The following FGFR2 variants were observed in gnomAD, a reference collection of about 807,000 sequenced individuals.
The protein encoded by FGFR2 is BEK fibroblast growth factor receptor.
Under a neutral mutation model 95.9 loss-of-function variants are expected in FGFR2, and 19 were observed. The ratio of observed to expected loss-of-function variants is 0.20; its 90% CI spans 0.14 to 0.29. The LOEUF (loss-of-function observed/expected upper bound fraction) is 0.29. Ranked by LOEUF, FGFR2 falls within the 10% of genes least tolerant of loss-of-function variation. The probability of loss-of-function intolerance (pLI) is 1.00; values close to 1 mark genes in which losing one functional copy is unlikely to be tolerated. For synonymous variants in FGFR2, 392 were observed against 393.3 expected (o/e 1.00, Z 0.04); for missense variants, 707 against 1,056.9 (o/e 0.67, Z 4.59).
chr10:121,490,145 C>G (rs1288154320), intron 13 of FGFR2, among the ~76,000 whole-genome samples: 1 of 142,500 alleles, frequency 7.0e-6, no homozygotes, highest in African/African-American at 2.6e-5. Context: ...GCTATTACGA[C>G]TTTTCCTTCT....
At position 121,497,942 on chromosome 10, in the gene FGFR2, T is replaced by C. The variant is rs369229513; in HGVS notation, c.1672+553A>G. On this transcript the variant is annotated intron_variant, in intron 12 of 17. Coordinates refer to ENST00000358487, the MANE Select transcript of FGFR2 (RefSeq NM_000141.5). ...AGTCAAAGATAGGCGTTTTCAAGTT[T>C]ACTAATTACTTAGCAAATTGATTTC... Among the ~76,000 whole-genome samples, 247 of 152,350 alleles carry C rather than the reference T, an allele frequency of 1.6e-3. 1 individual carries two copies. The highest frequency in any genetic ancestry group is 5.2e-3 in the African/African-American group (217 of 41,586).
At chr10:121,509,188 CTT>C (rs745802674) in intron 9 of FGFR2, among the ~76,000 whole-genome samples, 5 of 152,188 alleles carry the variant, frequency 3.3e-5, no homozygotes, top group South Asian at 2.1e-4. Flanking sequence ...AACATATTCT[CTT>C]GTTAGTGATA....
chr10:121,504,196 A>C (rs1847971717), intron 9 of FGFR2, among the ~76,000 whole-genome samples: 1 of 152,144 alleles, frequency 6.6e-6, no homozygotes, highest in African/African-American at 2.4e-5. Flanking sequence ...ATCTGATCAC[A>C]ATGTAAATTT....
At chr10:121,480,397 CGCT>C in intron 17 of FGFR2, 1 of 354,356 alleles carries the variant, frequency 2.8e-6, no homozygotes, top group South Asian at 3.5e-5. Context: ...CTAAATAACC[CGCT>C]GAGTCTACAC....
At chr10:121,512,366 T>C (rs73370002) in intron 9 of FGFR2, among the ~76,000 whole-genome samples, 2,530 of 152,302 alleles carry the variant, frequency 0.017, 78 homozygotes, top group African/African-American at 0.058. Context: ...TCCAATAATG[T>C]ACCCCACTTG....
chr10:121,516,150 T>C (rs538786064), intron 8 of FGFR2, among the ~76,000 whole-genome samples: 2 of 152,302 alleles, frequency 1.3e-5, no homozygotes, highest in East Asian at 3.9e-4. Flanking sequence ...ATGATCCATC[T>C]ACAAGCAGTG....
Position 121,517,325 on chromosome 10 carries a change from G to C in FGFR2, c.1078C>G (p.Leu360Val), listed in dbSNP as rs1437948804. The change falls in exon 8 of 18, where the codon CTG becomes GTG. Residue 360 changes from leucine (L) to valine (V), a missense_variant. Leu to Val is a conservative substitution (Grantham distance 32). Transcript: ENST00000358487. The surrounding 1 kb of genome is among the most constrained non-coding windows in gnomAD (Gnocchi z 4.7). ...GAGAAAGAACAGTATATACCTGGCA[G>C]AACTGTCAACCATGCAGAGTGAAAG... ...ISFHSAWLTV[L>V]PAPGREKEIT... is the part of the protein sequence containing the mutation. The C allele has an allele frequency of 8.1e-6, 13 of 1,614,168 alleles. No individual in the cohort carries two copies. Among genetic ancestry groups the C allele is most frequent in the African/African-American group, 1.3e-5 (1 of 75,040 alleles).
intron 2 of FGFR2, among the ~76,000 whole-genome samples, chr10:121,590,478 C>T (rs1862471701): frequency 6.6e-6 from 1 of 152,056 alleles, no homozygotes; most frequent in Non-Finnish European, 1.5e-5. Flanking sequence ...CTGCTGGTGC[C>T]CTATAACAAT....
At chr10:121,513,753 C>T (rs1322858034) in intron 9 of FGFR2, among the ~76,000 whole-genome samples, 2 of 152,126 alleles carry the variant, frequency 1.3e-5, no homozygotes, top group Non-Finnish European at 2.9e-5. Context: ...ATGCTGTTAA[C>T]ACAATTTGGT....
intron 3 of FGFR2, among the ~76,000 whole-genome samples, chr10:121,565,176 CAAAAA>C (rs71865754): frequency 3.1e-5 from 3 of 98,024 alleles, no homozygotes; most frequent in South Asian, 6.9e-4. Context: ...GTCAGTGGTA[CAAAAA>C]AAAAAAAAAA....
At chr10:121,578,878 C>T (rs940805557) in intron 2 of FGFR2, among the ~76,000 whole-genome samples, 1 of 152,150 alleles carries the variant, frequency 6.6e-6, no homozygotes, top group Admixed American at 6.5e-5. Context: ...CCATTGCACT[C>T]CAGCCTGGAC....
intron 6 of FGFR2, among the ~76,000 whole-genome samples, chr10:121,520,466 C>T (rs1850385953): frequency 6.6e-6 from 1 of 152,196 alleles, no homozygotes; most frequent in Non-Finnish European, 1.5e-5. Context: ...AGAAATTCTA[C>T]TCTGACAATC....
intron 5 of FGFR2, among the ~76,000 whole-genome samples, chr10:121,539,143 G>A (rs1193943887): frequency 6.6e-6 from 1 of 152,166 alleles, no homozygotes; most frequent in Non-Finnish European, 1.5e-5. Context: ...CATTTATAGT[G>A]AGCATTTACT....
chr10:121,543,659 GTTGCTCACCACCA>G (rs1854086858), intron 5 of FGFR2, among the ~76,000 whole-genome samples: 1 of 152,242 alleles, frequency 6.6e-6, no homozygotes. Flanking sequence ...GGTACCTGCT[GTTGCTCACCACCA>G]TGCAGATGTG....
Position 121,485,255 on chromosome 10 carries a change from T to C in FGFR2, c.2195+140A>G, listed in dbSNP as rs1359166282. 2.7e-5 allele frequency: 30 copies of C among 1,111,196 alleles called. No individual in the cohort carries two copies. The highest frequency in any genetic ancestry group is 6.8e-5 in the Admixed American group (4 of 58,882). The allele number at this position is 1,111,196 out of a possible 1,614,324, so 68.8% of individuals were successfully genotyped here. On this transcript the variant is annotated intron_variant, in intron 16 of 17. Transcript: ENST00000358487. This position sits in a 1 kb window ranked among gnomAD's most constrained non-coding sequence, Gnocchi z 4.2. Reference sequence around the variant, plus strand: ...TGTCGCTATGTATCCCAGCTCTGGATTGAGCCCAGAGAGCTTCAGCCATTC... The same window carrying C: ...TGTCGCTATGTATCCCAGCTCTGGACTGAGCCCAGAGAGCTTCAGCCATTC...
chr10:121,510,175 T>C (rs1848865769), intron 9 of FGFR2, among the ~76,000 whole-genome samples: 1 of 152,210 alleles, frequency 6.6e-6, no homozygotes. Context: ...AGGCAGTTCA[T>C]CAGACACTCA....
At chr10:121,561,097 G>A (rs1006409104) in intron 4 of FGFR2, among the ~76,000 whole-genome samples, 1 of 152,086 alleles carries the variant, frequency 6.6e-6, no homozygotes, top group Non-Finnish European at 1.5e-5. Flanking sequence ...TCATTTATCC[G>A]AGGCACCTAC....
In FGFR2 at chr10:121,562,966, G is replaced by A. The variant is rs149615229; in HGVS notation, c.454+1536C>T. Among the ~76,000 whole-genome samples, 658 of 152,288 alleles carry A rather than the reference G, an allele frequency of 4.3e-3. 6 individuals are homozygous for A. The highest frequency in any genetic ancestry group is 0.014 in the African/African-American group (598 of 41,556). On this transcript the variant is annotated intron_variant, in intron 4 of 17. Transcript: ENST00000358487. ...TCGAAAAAATAAAGTATTGCCAGGC[G>A]CAGTGGCTCACACCTGTAATCCCAG...
chr10:121,570,169 G>C (rs1858408697), intron 2 of FGFR2, among the ~76,000 whole-genome samples: 1 of 152,240 alleles, frequency 6.6e-6, no homozygotes, highest in Admixed American at 6.5e-5. Flanking sequence ...AGCTGGCTCA[G>C]TGGAAGCAGC....
Sources: allele counts gnomAD v4.1 joint callset (sites outside exome capture counted in the v4.1 genomes callset), GRCh38; gene constraint gnomAD v4.1.1; non-coding constraint Gnocchi (gnomAD v3.1); transcripts MANE v1.5; gene names NCBI Gene and HGNC (gene_info 2026-07-23, HGNC 2026-07-21).